RPH3A: variants seen among roughly 807,000 people sequenced by gnomAD.
The protein encoded by RPH3A is rabphilin-3A.
RPH3A carries 48 observed loss-of-function variants against 102.2 expected under a neutral mutation model. The ratio of observed to expected loss-of-function variants is 0.47; its 90% CI spans 0.37 to 0.60. The LOEUF is 0.60. RPH3A is among the 20% of genes least tolerant of loss of function. RPH3A has a pLI of 0.00. For missense variants in RPH3A, 781 were observed against 910.1 expected (o/e 0.86, Z 1.83); for synonymous variants, 310 against 324.3 (o/e 0.96, Z 0.47).
At chr12:112,610,557 A>T (rs1215650758) in intron 1 of RPH3A, among the ~76,000 whole-genome samples, 1 of 151,350 alleles carries the variant, frequency 6.6e-6, no homozygotes, top group South Asian at 2.1e-4. Context: ...GGAGCAGCTC[A>T]CTTAGTCCCT....
chr12:112,725,804 T>C (rs964715586), intron 1 of RPH3A, among the ~76,000 whole-genome samples: 4 of 150,590 alleles, frequency 2.7e-5, no homozygotes, highest in Non-Finnish European at 5.9e-5. Context: ...TTGTTGTTGT[T>C]GTTGTTTTTG....
chr12:112,708,280 C>A (rs73196547), intron 1 of RPH3A, among the ~76,000 whole-genome samples: 1 of 152,182 alleles, frequency 6.6e-6, no homozygotes, highest in Non-Finnish European at 1.5e-5. Flanking sequence ...TTCTCGTTAA[C>A]CCTGTGGAGA....
chr12:112,888,996 C>G (rs1380644040), intron 17 of RPH3A, among the ~76,000 whole-genome samples: 2 of 152,218 alleles, frequency 1.3e-5, no homozygotes, highest in African/African-American at 4.8e-5. Flanking sequence ...CCCCTGGTCT[C>G]TCTGGGCAGC....
intron 13 of RPH3A, 42 bp downstream of exon 13, chr12:112,876,908 T>C: frequency 6.8e-7 from 1 of 1,478,472 alleles, no homozygotes; most frequent in South Asian, 1.3e-5. Context: ...AAAAATCACT[T>C]CAGGAGCCAA....
chr12:112,853,023 T>A lies in RPH3A; in HGVS notation c.230+5181T>A, dbSNP rs1417735800. ...TAACCTTGGCATCCAGACGCCGTGA[T>A]GGAGGAGGAAGTCAGAGAGACTTGT... On this transcript the variant is annotated intron_variant, in intron 5 of 21. Transcript: ENST00000389385. Among the ~76,000 whole-genome samples the A allele has an allele frequency of 2.0e-5, 3 of 152,316 alleles. No homozygotes were observed. In the East Asian group the frequency reaches 5.8e-4, roughly 29 times the overall value.
At chr12:112,862,543 C>T (rs1323764963) in intron 5 of RPH3A, among the ~76,000 whole-genome samples, 1 of 152,238 alleles carries the variant, frequency 6.6e-6, no homozygotes, top group Non-Finnish European at 1.5e-5. Flanking sequence ...GGAGCTTGTT[C>T]CTGCTTCCTG....
chr12:112,777,229 A>T (rs1268467117), intron 1 of RPH3A, among the ~76,000 whole-genome samples: 1 of 152,172 alleles, frequency 6.6e-6, no homozygotes, highest in Non-Finnish European at 1.5e-5. Flanking sequence ...GGTTTACAGG[A>T]GGCACTCAGC....
intron 1 of RPH3A, among the ~76,000 whole-genome samples, chr12:112,637,093 T>C (rs2039853834): frequency 6.6e-6 from 1 of 152,168 alleles, no homozygotes; most frequent in Admixed American, 6.5e-5. Flanking sequence ...ATTTTATTCC[T>C]ATTAGCATAA....
intron 1 of RPH3A, among the ~76,000 whole-genome samples, chr12:112,583,418 G>A (rs553204646): frequency 6.6e-6 from 1 of 152,050 alleles, no homozygotes; most frequent in Non-Finnish European, 1.5e-5. Context: ...CTTTATCCAA[G>A]AGTTTGACCT....
intron 1 of RPH3A, among the ~76,000 whole-genome samples, chr12:112,610,118 T>C (rs1446445836): frequency 6.6e-6 from 1 of 152,210 alleles, no homozygotes; most frequent in Non-Finnish European, 1.5e-5. Flanking sequence ...CACACCACAC[T>C]GATCGCTCTG....
chr12:112,627,867 C>T (rs538025526), intron 1 of RPH3A, among the ~76,000 whole-genome samples: 3 of 152,034 alleles, frequency 2.0e-5, no homozygotes, highest in Non-Finnish European at 2.9e-5. Flanking sequence ...TTACTTGGCT[C>T]GTGGTCCCAC....
At chr12:112,848,785 G>A (rs1057494703) in intron 5 of RPH3A, among the ~76,000 whole-genome samples, 1 of 152,116 alleles carries the variant, frequency 6.6e-6, no homozygotes, top group Admixed American at 6.5e-5. Flanking sequence ...AGCAAGGAGT[G>A]GCATGGGTGT....
At chr12:112,599,321 T>TAGA (rs1322629323) in intron 1 of RPH3A, among the ~76,000 whole-genome samples, 1 of 152,162 alleles carries the variant, frequency 6.6e-6, no homozygotes, top group Non-Finnish European at 1.5e-5. Flanking sequence ...GCCTCTGAAA[T>TAGA]AGAAGAAGAA....
At chr12:112,855,639 G>A (rs973080248) in intron 5 of RPH3A, among the ~76,000 whole-genome samples, 8 of 152,182 alleles carry the variant, frequency 5.3e-5, no homozygotes, top group African/African-American at 1.7e-4. Flanking sequence ...GCATGCCAGC[G>A]TGTGTCTTCC....
At chr12:112,607,561 G>A (rs1262731478) in intron 1 of RPH3A, among the ~76,000 whole-genome samples, 1 of 152,198 alleles carries the variant, frequency 6.6e-6, no homozygotes, top group Non-Finnish European at 1.5e-5. Flanking sequence ...AAATGGCATA[G>A]CTAAAAGAAA....
At chr12:112,698,725 T>C (rs1300378107) in intron 1 of RPH3A, among the ~76,000 whole-genome samples, 1 of 152,208 alleles carries the variant, frequency 6.6e-6, no homozygotes, top group Non-Finnish European at 1.5e-5. Flanking sequence ...CCAATGCTGG[T>C]GAGGATATGA....
At chr12:112,633,283 T>C (rs145822575) in intron 1 of RPH3A, among the ~76,000 whole-genome samples, 238 of 152,340 alleles carry the variant, frequency 1.6e-3, no homozygotes, top group Middle Eastern at 0.01. Context: ...TGTTTAATTT[T>C]GTTTTTGTAA....
chr12:112,871,150 C>A (rs748843808), intron 10 of RPH3A, among the ~76,000 whole-genome samples: 1 of 152,160 alleles, frequency 6.6e-6, no homozygotes, highest in African/African-American at 2.4e-5. Flanking sequence ...GGTAAAGTTT[C>A]TTTTGACAAT....
intron 20 of RPH3A, chr12:112,895,513 A>G (rs1359040463): frequency 2.8e-5 from 11 of 399,950 alleles, no homozygotes; most frequent in South Asian, 2.6e-4. Context: ...CTTGAGCTCT[A>G]TTAGAAAAAC....
Sources: gnomAD v4.1 joint callset for allele counts (sites outside exome capture counted in the v4.1 genomes callset) on GRCh38, gnomAD v4.1.1 for gene constraint, MANE v1.5 for transcripts, NCBI Gene and HGNC (gene_info 2026-07-23, HGNC 2026-07-21) for gene names.